The following DENND4C variants were observed in gnomAD, a reference collection of about 807,000 sequenced individuals.
DENND4C encodes the protein DENN domain containing 4C, also known as DENN domain-containing protein 4C.
DENND4C carries 108 observed loss-of-function variants against 203.0 expected under a neutral mutation model. That is an observed-to-expected ratio of 0.53 (90% CI 0.46 to 0.62). The LOEUF (loss-of-function observed/expected upper bound fraction) is 0.62, where lower values mean the gene tolerates loss of function less well. DENND4C is among the 20% of genes least tolerant of loss of function. DENND4C has a pLI of 0.00. For missense variants in DENND4C, 2,481 were observed against 2,301.2 expected, an observed-to-expected ratio of 1.08 and a Z score of -1.60; for synonymous variants, 871 against 792.4, an observed-to-expected ratio of 1.10 and a Z score of -1.67.
At chr9:19,362,031 T>G in intron 30 of DENND4C, 68 bp downstream of exon 30, 1 of 987,098 alleles carries the variant, frequency 1.0e-6, no homozygotes, top group Non-Finnish European at 1.6e-6. Context: ...GCCAGCACTT[T>G]GGGAGGCCTA....
chr9:19,309,630 T>G (rs182472014), intron 10 of DENND4C, among the ~76,000 whole-genome samples: 125 of 152,266 alleles, frequency 8.2e-4, no homozygotes, highest in Admixed American at 1.6e-3. Context: ...TTAAAAATTG[T>G]TTTGACTCTA....
chr9:19,299,209 A>AT lies in DENND4C; in HGVS notation c.1108-19dup. 1.4e-6 allele frequency: 2 copies of AT among 1,442,894 alleles called. No individual in the cohort carries two copies. The highest frequency in any genetic ancestry group is 2.3e-5 in the Admixed American group (1 of 43,816). 89.4% of individuals were successfully genotyped at this position (1,442,894 alleles called of 1,614,324 possible). ...TGGTTAATTTATCTTTGGTTAATTT[A>AT]TCTTTTTTTTTTTTTTAAGCTGTCA... On this transcript the variant is annotated intron_variant, in intron 7 of 32. Coordinates refer to ENST00000434457, the MANE Select transcript of DENND4C (RefSeq NM_001330640.2).
intron 30 of DENND4C, among the ~76,000 whole-genome samples, chr9:19,368,661 A>C: frequency 6.6e-6 from 1 of 152,064 alleles, no homozygotes. Flanking sequence ...AATTAGCTAG[A>C]TGTGGTGGCA....
chr9:19,311,196 T>C (rs368963331), intron 10 of DENND4C, among the ~76,000 whole-genome samples: 1 of 152,184 alleles, frequency 6.6e-6, no homozygotes, highest in South Asian at 2.1e-4. Flanking sequence ...CAATCTTGGC[T>C]CACTGCAACC....
At chr9:19,262,416 G>A (rs1453829839) in intron 1 of DENND4C, among the ~76,000 whole-genome samples, 4 of 147,728 alleles carry the variant, frequency 2.7e-5, no homozygotes, top group Non-Finnish European at 6.0e-5. Context: ...AGTTTTTGGT[G>A]GAGTCTTTAC....
intron 4 of DENND4C, among the ~76,000 whole-genome samples, chr9:19,290,243 A>T (rs963452289): frequency 1.3e-5 from 2 of 152,182 alleles, no homozygotes; most frequent in African/African-American, 4.8e-5. Flanking sequence ...TTCATGTTGC[A>T]TGCCTTTTAC....
intron 1 of DENND4C, among the ~76,000 whole-genome samples, chr9:19,273,389 A>G (rs1183335157): frequency 2.0e-5 from 3 of 152,008 alleles, no homozygotes; most frequent in Non-Finnish European, 4.4e-5. Flanking sequence ...CTTGGCTGAC[A>G]TGATTTCTTA....
intron 10 of DENND4C, among the ~76,000 whole-genome samples, chr9:19,309,993 A>C (rs1424925029): frequency 6.6e-6 from 1 of 152,204 alleles, no homozygotes; most frequent in Non-Finnish European, 1.5e-5. Context: ...TTCTCCAGAA[A>C]GATAATTCAC....
chr9:19,342,835 A>T (rs1469075766), intron 22 of DENND4C, 56 bp downstream of exon 22: 3 of 1,367,816 alleles, frequency 2.2e-6, no homozygotes, highest in Non-Finnish European at 2.9e-6. Context: ...ATAGACTCAT[A>T]TGTGTCTTTA....
At chr9:19,248,210 C>T (rs1273956349) in intron 1 of DENND4C, among the ~76,000 whole-genome samples, 1 of 152,122 alleles carries the variant, frequency 6.6e-6, no homozygotes, top group Non-Finnish European at 1.5e-5. Flanking sequence ...CTTCACTGAC[C>T]TCATCTCCTA....
At chr9:19,318,089 C>G (rs1319973977) in intron 12 of DENND4C, among the ~76,000 whole-genome samples, 1 of 152,196 alleles carries the variant, frequency 6.6e-6, no homozygotes. Flanking sequence ...GAGACTAAGG[C>G]AGGCAGATCA....
intron 1 of DENND4C, among the ~76,000 whole-genome samples, chr9:19,246,934 T>A (rs1046764299): frequency 6.6e-6 from 1 of 152,198 alleles, no homozygotes; most frequent in Non-Finnish European, 1.5e-5. Context: ...TCAGAAAGAA[T>A]TGCTCATTCT....
rs1554643713 is a variant in DENND4C at position 19,356,810 on chromosome 9, A to AGAGAGAGT, written c.4782-156_4782-149dup. Among the ~76,000 whole-genome samples, 1,166 of 146,404 alleles carry AGAGAGAGT rather than the reference A, an allele frequency of 8.0e-3. 11 individuals are homozygous for AGAGAGAGT. The highest frequency in any genetic ancestry group is 0.026 in the African/African-American group (1,004 of 38,328). On this transcript the variant is annotated intron_variant, in intron 26 of 32. Coordinates refer to ENST00000434457, the MANE Select transcript of DENND4C (RefSeq NM_001330640.2). ...GTGTGAGAGAGAGAGAGAGAGAGAG[A>AGAGAGAGT]GAGAGAGTGAGAGTGTATTGGAAAT...
At chr9:19,277,145 A>G (rs903297158) in intron 2 of DENND4C, among the ~76,000 whole-genome samples, 1 of 152,088 alleles carries the variant, frequency 6.6e-6, no homozygotes, top group Non-Finnish European at 1.5e-5. Flanking sequence ...TGTTTTGTTT[A>G]TTATCATTAC....
At chr9:19,347,140 T>C in intron 23 of DENND4C, 54 bp downstream of exon 23, 3 of 1,468,992 alleles carry the variant, frequency 2.0e-6, no homozygotes, top group Non-Finnish European at 9.3e-7. Flanking sequence ...TTATAGTATC[T>C]TTCTAGAAAT....
At chr9:19,241,318 T>C (rs1823649362) in intron 1 of DENND4C, among the ~76,000 whole-genome samples, 1 of 152,210 alleles carries the variant, frequency 6.6e-6, no homozygotes, top group Non-Finnish European at 1.5e-5. Flanking sequence ...AAACGCATTT[T>C]ACAGGTGTAC....
chr9:19,252,189 T>C (rs1274904863), intron 1 of DENND4C, among the ~76,000 whole-genome samples: 1 of 152,152 alleles, frequency 6.6e-6, no homozygotes, highest in African/African-American at 2.4e-5. Context: ...TCACGTCTTA[T>C]GTGAATGGCA....
At chr9:19,352,393 A>T (rs1824349229) in intron 25 of DENND4C, 97 bp from the exon 26 acceptor site, 1 of 1,258,484 alleles carries the variant, frequency 7.9e-7, no homozygotes, top group Admixed American at 2.6e-5. Context: ...TCCAAATTTG[A>T]TCAGTAGAAT....
chr9:19,305,297 A>G (rs1212341436), intron 9 of DENND4C, 55 bp from the exon 10 acceptor site: 3 of 1,490,196 alleles, frequency 2.0e-6, no homozygotes, highest in South Asian at 1.2e-5. Flanking sequence ...AGTTACTTAT[A>G]TATTTTTTAT....
Sources: allele counts gnomAD v4.1 joint callset (sites outside exome capture counted in the v4.1 genomes callset), GRCh38; gene constraint gnomAD v4.1.1; transcripts MANE v1.5; gene names NCBI Gene and HGNC (gene_info 2026-07-23, HGNC 2026-07-21).